PGGT1B: variants seen among roughly 807,000 people sequenced by gnomAD.
The protein encoded by PGGT1B is geranylgeranyl transferase type-1 subunit beta.
PGGT1B carries 30 observed loss-of-function variants against 46.1 expected under a neutral mutation model. The ratio of observed to expected loss-of-function variants is 0.65; its 90% CI spans 0.49 to 0.88. The LOEUF (loss-of-function observed/expected upper bound fraction) is 0.88. PGGT1B is among the 40% of genes least tolerant of loss of function. PGGT1B has a pLI of 0.00. For synonymous variants in PGGT1B, 170 were observed against 160.0 expected, an observed-to-expected ratio of 1.06 and a Z score of -0.47; for missense variants, 376 against 455.9, an observed-to-expected ratio of 0.82 and a Z score of 1.60.
rs78156504 is a variant in PGGT1B, at chr5:115,261,636, A to G, written c.140+1076T>C. On this transcript the variant is annotated intron_variant, in intron 1 of 8. Transcript: ENST00000419445. Reference sequence around the variant, plus strand: ...TATAGAGGTAAACAAGATAGACGAAAATGTTACCTTTGTGAAGTTTATAAT... The same window carrying G: ...TATAGAGGTAAACAAGATAGACGAAGATGTTACCTTTGTGAAGTTTATAAT... 2.8e-3 allele frequency among the ~76,000 whole-genome samples: 422 copies of G among 152,350 alleles called. 1 individual carries two copies. Among genetic ancestry groups the G allele is most frequent in the African/African-American group, 9.6e-3 (399 of 41,566 alleles).
chr5:115,250,389 T>C (rs780153676), intron 2 of PGGT1B, among the ~76,000 whole-genome samples: 1 of 152,166 alleles, frequency 6.6e-6, no homozygotes, highest in African/African-American at 2.4e-5. Flanking sequence ...GGTGATTTAA[T>C]AGTCTAACAA....
At chr5:115,249,516 A>C (rs1278433622) in intron 2 of PGGT1B, among the ~76,000 whole-genome samples, 1 of 152,066 alleles carries the variant, frequency 6.6e-6, no homozygotes, top group African/African-American at 2.4e-5. Context: ...ATTTAAAGAG[A>C]GAGACAAGGT....
rs1214395448 is a variant in PGGT1B at position 115,204,894 on chromosome 5, T to G, written c.*7508A>C. 1 of 152,222 alleles carries G rather than the reference T, an allele frequency of 6.6e-6. No homozygotes were observed. Among genetic ancestry groups the G allele is most frequent in the African/African-American group, 2.4e-5 (1 of 41,462 alleles). 9.4% of individuals were successfully genotyped at this position (152,222 alleles called of 1,614,324 possible). On this transcript the variant is annotated 3_prime_UTR_variant, in exon 9 of 9. Transcript: ENST00000419445. ...AGCATCTTCTGATTATTTCCACAAGTTAACCACTGAATAACTGTCTACAGT... is the reference window on the plus strand; with the variant it reads ...AGCATCTTCTGATTATTTCCACAAGGTAACCACTGAATAACTGTCTACAGT...
chr5:115,236,149 T>A (rs191503027), intron 5 of PGGT1B, among the ~76,000 whole-genome samples: 1 of 152,100 alleles, frequency 6.6e-6, no homozygotes, highest in African/African-American at 2.4e-5. Flanking sequence ...AGTCAACCAA[T>A]CCCTTTCTTA....
chr5:115,213,312 G>C (rs1395577726), intron 8 of PGGT1B, among the ~76,000 whole-genome samples: 1 of 152,164 alleles, frequency 6.6e-6, no homozygotes. Flanking sequence ...TTCTATTAAA[G>C]TGGCCAATGA....
chr5:115,262,619 C>T (rs1748612743), intron 1 of PGGT1B, 93 bp downstream of exon 1: 3 of 1,421,274 alleles, frequency 2.1e-6, no homozygotes, highest in Non-Finnish European at 2.9e-6. Context: ...CGCGCAGCCC[C>T]CTTCCGGCGC....
chr5:115,205,335 T>C lies in PGGT1B; in HGVS notation c.*7067A>G, dbSNP rs375333162. ...CAACTGCTTTAATGAGGACACCTTA[T>C]ATGCTGGTAGTGCATTACCAGTTGG... On this transcript the variant is annotated 3_prime_UTR_variant, in exon 9 of 9. Coordinates refer to ENST00000419445, the MANE Select transcript of PGGT1B (RefSeq NM_005023.4). 5.9e-5 allele frequency: 9 copies of C among 152,298 alleles called. No individual in the cohort carries two copies. The East Asian group carries it at 1.5e-3, about 26-fold the overall frequency. The allele number at this position is 152,298 out of a possible 1,614,324, so 9.4% of individuals were successfully genotyped here.
At chr5:115,234,951 C>T (rs985275234) in intron 5 of PGGT1B, among the ~76,000 whole-genome samples, 3 of 151,966 alleles carry the variant, frequency 2.0e-5, no homozygotes, top group Admixed American at 6.6e-5. Flanking sequence ...GTAATGACAT[C>T]GCAATACCAA....
In PGGT1B at chr5:115,204,576, C is replaced by T. The variant is rs1032042915; in HGVS notation, c.*7826G>A. The T allele has an allele frequency of 4.6e-5, 7 of 152,098 alleles. No homozygotes were observed. Among genetic ancestry groups the T allele is most frequent in the Admixed American group, 2.6e-4 (4 of 15,254 alleles). The allele number at this position is 152,098 out of a possible 1,614,324, so 9.4% of individuals were successfully genotyped here. A position where few individuals can be genotyped will look rare whatever the true frequency, so the allele number is the denominator to read the frequency against. ...TTTTCACCCACCTAGAATGAAAAAA[C>T]TTTAAGCTTGATAAAATCCGGTGTC... is the stretch of plus-strand genomic sequence containing the variant. On this transcript the variant is annotated 3_prime_UTR_variant, in exon 9 of 9. Coordinates refer to ENST00000419445, the MANE Select transcript of PGGT1B (RefSeq NM_005023.4).
rs763380203 is a variant in PGGT1B at position 115,205,357 on chromosome 5, T to C, written c.*7045A>G. The C allele has an allele frequency of 5.9e-5, 9 of 152,104 alleles. No homozygotes were observed. The highest frequency in any genetic ancestry group is 1.2e-4 in the Non-Finnish European group (8 of 67,990). The allele number at this position is 152,104 out of a possible 1,614,324, so 9.4% of individuals were successfully genotyped here. A position where few individuals can be genotyped will look rare whatever the true frequency, so the allele number is the denominator to read the frequency against. On this transcript the variant is annotated 3_prime_UTR_variant, in exon 9 of 9. Transcript: ENST00000419445. ...TTATATGCTGGTAGTGCATTACCAG[T>C]TGGTTCAGGGAATCCCACATACAAT... is the stretch of plus-strand genomic sequence containing the variant.
chr5:115,232,102 A>G (rs1757005856), intron 5 of PGGT1B, among the ~76,000 whole-genome samples: 1 of 152,096 alleles, frequency 6.6e-6, no homozygotes, highest in Non-Finnish European at 1.5e-5. Context: ...CTTGGCCAAC[A>G]AAGATGAAAG....
chr5:115,256,867 T>C (rs1255262325), intron 1 of PGGT1B, among the ~76,000 whole-genome samples: 1 of 152,220 alleles, frequency 6.6e-6, no homozygotes, highest in Non-Finnish European at 1.5e-5. Flanking sequence ...GAGGGGTAAT[T>C]GTGCGAACAC....
At chr5:115,258,216 T>A (rs1748404357) in intron 1 of PGGT1B, among the ~76,000 whole-genome samples, 1 of 152,212 alleles carries the variant, frequency 6.6e-6, no homozygotes, top group African/African-American at 2.4e-5. Flanking sequence ...ATGAATCATC[T>A]TCTTCCTTTC....
At chr5:115,220,432 TTACCAGGC>T (rs1163667737) in intron 7 of PGGT1B, among the ~76,000 whole-genome samples, 1 of 151,644 alleles carries the variant, frequency 6.6e-6, no homozygotes, top group East Asian at 1.9e-4. Context: ...AGAGGAGAGG[TTACCAGGC>T]TGAGGGGAAA....
chr5:115,255,196 C>T (rs1054917221), intron 1 of PGGT1B, among the ~76,000 whole-genome samples: 5 of 152,190 alleles, frequency 3.3e-5, no homozygotes, highest in Non-Finnish European at 5.9e-5. Flanking sequence ...GTAACAACGA[C>T]TTTAGGATCT....
chr5:115,214,176 T>C (rs562817836), intron 8 of PGGT1B, among the ~76,000 whole-genome samples: 1 of 152,262 alleles, frequency 6.6e-6, no homozygotes, highest in African/African-American at 2.4e-5. Flanking sequence ...TAACATAAAA[T>C]AGAACTGTGT....
At position 115,237,910 on chromosome 5, in the gene PGGT1B, T is replaced by C. The variant is rs1158879391; in HGVS notation, c.427A>G (p.Asn143Asp). 6.2e-7 allele frequency: 1 copy of C among 1,612,184 alleles called. No individual in the cohort carries two copies. The highest frequency in any genetic ancestry group is 8.5e-7 in the Non-Finnish European group (1 of 1,179,766). ...AAGCCCGCTAAGCAAGCTTCTTTAT[T>C]TACTCGGCTTAAGTCGTCTCCAAGA... ...VILGDDLSRV[N>D]KEACLAGLRA... The change falls in exon 4 of 9, where the codon AAT becomes GAT. Residue 143 changes from asparagine (N) to aspartate (D), a missense_variant. Transcript: ENST00000419445.
At chr5:115,262,561 G>C in intron 1 of PGGT1B, 151 bp downstream of exon 1, 2 of 796,868 alleles carry the variant, frequency 2.5e-6, no homozygotes, top group Non-Finnish European at 4.0e-6. Flanking sequence ...CGGGAGAGTG[G>C]GGGTAACCTC....
intron 6 of PGGT1B, among the ~76,000 whole-genome samples, chr5:115,225,966 G>T (rs867614456): frequency 6.6e-6 from 1 of 151,148 alleles, no homozygotes; most frequent in Non-Finnish European, 1.5e-5. Context: ...TAAATTCAAG[G>T]GAGTTGATTA....
Sources: allele counts gnomAD v4.1 joint callset (sites outside exome capture counted in the v4.1 genomes callset), GRCh38; gene constraint gnomAD v4.1.1; transcripts MANE v1.5; gene names NCBI Gene and HGNC (gene_info 2026-07-23, HGNC 2026-07-21).